UBAP1: variants seen among roughly 807,000 people sequenced by gnomAD.
UBAP1 encodes the protein ubiquitin-associated protein 1.
Under a neutral mutation model 39.0 loss-of-function variants are expected in UBAP1, and 5 were observed. That is an observed-to-expected ratio of 0.13 (90% CI 0.07 to 0.27). UBAP1 has a LOEUF of 0.27. Among genes scored for constraint, UBAP1 ranks in the 10% least tolerant of loss-of-function variants. UBAP1 has a pLI of 1.00. For missense variants in UBAP1, 490 were observed against 608.1 expected (o/e 0.81, Z 2.04); for synonymous variants, 211 against 225.1 (o/e 0.94, Z 0.56).
intron 4 of UBAP1, among the ~76,000 whole-genome samples, chr9:34,246,824 G>A (rs1217176549): frequency 1.3e-5 from 2 of 151,892 alleles, no homozygotes; most frequent in Non-Finnish European, 2.9e-5. Context: ...ACTAATATTT[G>A]TCTCCTTTCA....
At chr9:34,247,085 C>G (rs187184054) in intron 4 of UBAP1, among the ~76,000 whole-genome samples, 3 of 152,232 alleles carry the variant, frequency 2.0e-5, no homozygotes, top group Admixed American at 2.0e-4. Flanking sequence ...ATCTAGATTA[C>G]TCCTAAGAGC....
At chr9:34,199,999 A>G (rs1489891558) in intron 1 of UBAP1, among the ~76,000 whole-genome samples, 6 of 151,702 alleles carry the variant, frequency 4.0e-5, no homozygotes. Context: ...TAGGATAACT[A>G]AATTGTGTTT....
rs1156908401 is a variant in UBAP1, at chr9:34,251,988, A to G, written c.*456A>G. 6.4e-6 allele frequency: 1 copy of G among 157,332 alleles called. No individual in the cohort carries two copies. The highest frequency in any genetic ancestry group is 1.4e-5 in the Non-Finnish European group (1 of 71,028). 9.7% of individuals were successfully genotyped at this position (157,332 alleles called of 1,614,324 possible). A position where few individuals can be genotyped will look rare whatever the true frequency, so the allele number is the denominator to read the frequency against. On this transcript the variant is annotated 3_prime_UTR_variant, in exon 7 of 7. Coordinates refer to ENST00000297661, the MANE Select transcript of UBAP1 (RefSeq NM_016525.5). ...TCCAGTCAAGTTGAGTTCAAGTGAA[A>G]GATTCTTCCAGGGTTTTATTTTTTC...
chr9:34,190,633 CT>C (rs563281159), intron 1 of UBAP1, among the ~76,000 whole-genome samples: 187 of 129,460 alleles, frequency 1.4e-3, no homozygotes, highest in East Asian at 2.5e-3. Context: ...TTCTTTCTTT[CT>C]TTTTTTTTTT....
chr9:34,241,511 A>G lies in UBAP1; in HGVS notation c.486A>G (p.Glu162=), dbSNP rs1318690185. 1.2e-6 allele frequency: 2 copies of G among 1,614,208 alleles called. No homozygotes were observed. Among genetic ancestry groups the G allele is most frequent in the South Asian group, 1.1e-5 (1 of 91,086 alleles). The change falls in exon 4 of 7, where the codon GAA becomes GAG. Residue 162 remains glutamate, a synonymous_variant. Transcript: ENST00000297661. ...ADFNLADFEC[E]EDPFDNLELK... is the part of the protein sequence containing the mutation. Reference sequence around the variant, plus strand: ...TCAATCTTGCTGACTTTGAGTGTGAAGAAGACCCATTTGATAATCTGGAGT... The same window carrying G: ...TCAATCTTGCTGACTTTGAGTGTGAGGAAGACCCATTTGATAATCTGGAGT...
intron 1 of UBAP1, among the ~76,000 whole-genome samples, chr9:34,205,158 A>G (rs954498932): frequency 1.3e-5 from 2 of 152,046 alleles, no homozygotes; most frequent in African/African-American, 4.8e-5. Context: ...CTGGGACTAC[A>G]GGTGTGTGCC....
At chr9:34,204,809 A>G (rs2131542725) in intron 1 of UBAP1, among the ~76,000 whole-genome samples, 1 of 152,118 alleles carries the variant, frequency 6.6e-6, no homozygotes, top group Middle Eastern at 3.4e-3. Flanking sequence ...AGGAAATTAT[A>G]TTTTTGGTTC....
chr9:34,231,747 A>G (rs191878249), intron 2 of UBAP1, among the ~76,000 whole-genome samples: 12 of 150,890 alleles, frequency 8.0e-5, no homozygotes, highest in African/African-American at 2.9e-4. Context: ...CGGGTTCACG[A>G]CATTCTTCTG....
At chr9:34,229,185 C>T (rs1255169535) in intron 2 of UBAP1, among the ~76,000 whole-genome samples, 1 of 151,920 alleles carries the variant, frequency 6.6e-6, no homozygotes, top group African/African-American at 2.4e-5. Flanking sequence ...ATAAGTTTGT[C>T]AGTGTATATC....
chr9:34,205,691 C>T (rs1038191226), intron 1 of UBAP1, among the ~76,000 whole-genome samples: 1 of 152,068 alleles, frequency 6.6e-6, no homozygotes, highest in East Asian at 1.9e-4. Context: ...AGCTGCAGAT[C>T]TTAAGAAATC....
At chr9:34,225,565 C>T (rs1296422717) in intron 2 of UBAP1, among the ~76,000 whole-genome samples, 1 of 151,786 alleles carries the variant, frequency 6.6e-6, no homozygotes, top group Non-Finnish European at 1.5e-5. Context: ...ATCATGAGGT[C>T]AGGAGATCCA....
chr9:34,192,678 A>G (rs182670264), intron 1 of UBAP1, among the ~76,000 whole-genome samples: 3 of 152,128 alleles, frequency 2.0e-5, no homozygotes, highest in East Asian at 3.9e-4. Context: ...GGCCTCGAGC[A>G]TACCTCCCAC....
chr9:34,221,370 A>G (rs1007529526), intron 2 of UBAP1, among the ~76,000 whole-genome samples: 5 of 152,020 alleles, frequency 3.3e-5, no homozygotes. Context: ...TCTACTAAAA[A>G]TACAAAAAAT....
At chr9:34,230,882 T>G (rs1833370152) in intron 2 of UBAP1, among the ~76,000 whole-genome samples, 1 of 152,092 alleles carries the variant, frequency 6.6e-6, no homozygotes, top group South Asian at 2.1e-4. Flanking sequence ...ATTTTCATAT[T>G]AAATATAAGT....
chr9:34,204,383 CAAAA>C (rs200984152), intron 1 of UBAP1, among the ~76,000 whole-genome samples: 1 of 150,604 alleles, frequency 6.6e-6, no homozygotes, highest in Non-Finnish European at 1.5e-5. Flanking sequence ...TTATAAAAAA[CAAAA>C]AAAGGGTGTG....
In UBAP1 at chr9:34,231,636, GT is replaced by G. The variant is rs68035152; in HGVS notation, c.35-2568del. ...GTTAAGGGACACTCAAAATTTTTTT[GT>G]TTTTTTTTTTTGTTTGTTTGTTTTT... On this transcript the variant is annotated intron_variant, in intron 2 of 6. Coordinates refer to ENST00000297661, the MANE Select transcript of UBAP1 (RefSeq NM_016525.5). 5.7e-3 allele frequency among the ~76,000 whole-genome samples: 820 copies of G among 143,758 alleles called. 10 individuals carry two copies. The highest frequency in any genetic ancestry group is 0.036 in the Admixed American group (522 of 14,374). The allele number at this position is 143,758 out of a possible 152,430, so 94.3% of individuals were successfully genotyped here. A position where few individuals can be genotyped will look rare whatever the true frequency, so the allele number is the denominator to read the frequency against.
At chr9:34,223,391 A>G (rs1320973041) in intron 2 of UBAP1, among the ~76,000 whole-genome samples, 5 of 151,098 alleles carry the variant, frequency 3.3e-5, no homozygotes. Context: ...GATGGTGCCA[A>G]TGCACTCCAT....
intron 1 of UBAP1, among the ~76,000 whole-genome samples, chr9:34,189,924 C>G (rs1830623170): frequency 6.6e-6 from 1 of 152,184 alleles, no homozygotes; most frequent in South Asian, 2.1e-4. Context: ...GTGTGAGCCA[C>G]TGCTCCTGGC....
intron 2 of UBAP1, among the ~76,000 whole-genome samples, chr9:34,233,451 T>A (rs1218158648): frequency 6.6e-6 from 1 of 151,930 alleles, no homozygotes; most frequent in Non-Finnish European, 1.5e-5. Context: ...TAATTCTTTA[T>A]ATTAATTGAA....
Sources: gnomAD v4.1 joint callset for allele counts (sites outside exome capture counted in the v4.1 genomes callset) on GRCh38, gnomAD v4.1.1 for gene constraint, MANE v1.5 for transcripts, NCBI Gene and HGNC (gene_info 2026-07-23, HGNC 2026-07-21) for gene names.